Variants in TCF4 observed in about 807,000 individuals in gnomAD.
The protein encoded by TCF4 is SL3-3 enhancer factor 2.
A neutral mutation model predicts 82.1 loss-of-function variants in TCF4; 3 were observed. The ratio of observed to expected loss-of-function variants is 0.04; its 90% CI spans 0.02 to 0.09. TCF4 has a LOEUF of 0.09. Among genes scored for constraint, TCF4 ranks in the 10% least tolerant of loss-of-function variants. TCF4 has a pLI of 1.00. For synonymous variants in TCF4, 276 were observed against 309.6 expected, an observed-to-expected ratio of 0.89 and a Z score of 1.14; for missense variants, 518 against 852.7, an observed-to-expected ratio of 0.61 and a Z score of 4.89.
At chr18:55,300,812 T>C (rs923698055) in intron 8 of TCF4, among the ~76,000 whole-genome samples, 9 of 151,918 alleles carry the variant, frequency 5.9e-5, no homozygotes, top group African/African-American at 1.9e-4. Flanking sequence ...AAGTGCACAG[T>C]GCACCATGAA....
intron 3 of TCF4, among the ~76,000 whole-genome samples, chr18:55,575,989 C>A (rs2097525007): frequency 6.6e-6 from 1 of 152,148 alleles, no homozygotes; most frequent in South Asian, 2.1e-4. Flanking sequence ...TGACACTGGT[C>A]ATGGTGATGC....
chr18:55,481,521 C>T (rs150498823), intron 3 of TCF4, among the ~76,000 whole-genome samples: 34 of 152,168 alleles, frequency 2.2e-4, no homozygotes, highest in African/African-American at 4.3e-4. Context: ...GCTCCCTGCA[C>T]GAAAAACCAG....
At chr18:55,331,421 A>G (rs1469487238) in intron 8 of TCF4, among the ~76,000 whole-genome samples, 4 of 152,234 alleles carry the variant, frequency 2.6e-5, no homozygotes, top group African/African-American at 9.6e-5. Context: ...TTTCTAAACA[A>G]AGATGATAAT....
At chr18:55,513,505 C>T (rs1425830836) in intron 3 of TCF4, among the ~76,000 whole-genome samples, 1 of 151,490 alleles carries the variant, frequency 6.6e-6, no homozygotes, top group Non-Finnish European at 1.5e-5. Context: ...GTTTTCCTAA[C>T]CAATATCTAT....
At chr18:55,401,466 G>T (rs1049876003) in intron 6 of TCF4, 2 of 996,294 alleles carry the variant, frequency 2.0e-6, no homozygotes, top group Non-Finnish European at 2.4e-6. Flanking sequence ...ATATACAAAA[G>T]AATTTTCCTG....
chr18:55,587,158 C>T, intron 1 of TCF4, 22 bp from the exon 2 acceptor site: 1 of 1,353,752 alleles, frequency 7.4e-7, no homozygotes, highest in Non-Finnish European at 9.7e-7. Flanking sequence ...GAAATAACCG[C>T]AATCAGAAAA....
chr18:55,552,770 C>T (rs1400602174), intron 3 of TCF4, among the ~76,000 whole-genome samples: 9 of 152,146 alleles, frequency 5.9e-5, no homozygotes, highest in Non-Finnish European at 1.3e-4. Flanking sequence ...CATTAAAGCT[C>T]GTTTCATCCA....
At position 55,445,880 on chromosome 18, in the gene TCF4, T is replaced by C. The variant is rs562587589; in HGVS notation, c.304+15139A>G. On this transcript the variant is annotated intron_variant, in intron 5 of 19. Coordinates refer to ENST00000354452, the MANE Select transcript of TCF4 (RefSeq NM_001083962.2). ...CCACGTATATTATTAAGAAAATTCA[T>C]GTTGATCCATACAATAGCCATTCCT... 1.4e-4 allele frequency among the ~76,000 whole-genome samples: 21 copies of C among 152,346 alleles called. No homozygotes were observed. The East Asian group carries it at 3.3e-3, about 24-fold the overall frequency.
chr18:55,561,486 CTCTG>C (rs1167224635), intron 3 of TCF4, among the ~76,000 whole-genome samples: 3 of 152,170 alleles, frequency 2.0e-5, no homozygotes, highest in Admixed American at 1.3e-4. Flanking sequence ...CAGTTAAGGA[CTCTG>C]TCTAACACAG....
chr18:55,285,090 T>C (rs1360289754), intron 8 of TCF4, among the ~76,000 whole-genome samples: 1 of 152,212 alleles, frequency 6.6e-6, no homozygotes, highest in African/African-American at 2.4e-5. Context: ...AGAGATAAGA[T>C]GGACCCTGTA....
chr18:55,438,644 G>C (rs1415881763), intron 5 of TCF4, among the ~76,000 whole-genome samples: 2 of 152,186 alleles, frequency 1.3e-5, no homozygotes, highest in African/African-American at 4.8e-5. Flanking sequence ...TGGTAGGAAA[G>C]GTAGCACTGG....
chr18:55,500,333 T>A (rs1178434640), intron 3 of TCF4, among the ~76,000 whole-genome samples: 1 of 152,080 alleles, frequency 6.6e-6, no homozygotes, highest in African/African-American at 2.4e-5. Context: ...GAATTAGGAA[T>A]AGCAGGGGAA....
In TCF4 at chr18:55,279,676, T is replaced by A. The variant is rs1275817275; in HGVS notation, c.550-20A>T. 3.1e-6 allele frequency: 5 copies of A among 1,613,632 alleles called. No homozygotes were observed. In the South Asian group the frequency reaches 5.5e-5, roughly 18 times the overall value. Reference sequence around the variant, plus strand: ...ATAGACCTGAGGAGAAAGAACCAACTGAGTTTTGCTTTTTGCATTGACCAC... The same window carrying A: ...ATAGACCTGAGGAGAAAGAACCAACAGAGTTTTGCTTTTTGCATTGACCAC... On this transcript the variant is annotated intron_variant, in intron 8 of 19. Coordinates refer to ENST00000354452, the MANE Select transcript of TCF4 (RefSeq NM_001083962.2).
At chr18:55,414,645 T>G (rs1466888448) in intron 5 of TCF4, among the ~76,000 whole-genome samples, 1 of 152,156 alleles carries the variant, frequency 6.6e-6, no homozygotes, top group Non-Finnish European at 1.5e-5. Context: ...GCCCTGGCCT[T>G]CACTACCAGG....
At chr18:55,568,476 CAT>C (rs1260925921) in intron 3 of TCF4, among the ~76,000 whole-genome samples, 2 of 151,684 alleles carry the variant, frequency 1.3e-5, no homozygotes, top group Non-Finnish European at 2.9e-5. Flanking sequence ...AGAAAACTGA[CAT>C]ATATTACATA....
chr18:55,585,830 C>A (rs537096617), intron 2 of TCF4: 2 of 1,133,522 alleles, frequency 1.8e-6, no homozygotes, highest in Non-Finnish European at 2.2e-6. Flanking sequence ...ATTCTCATTT[C>A]GTCTCTAACA....
chr18:55,575,330 T>C (rs2097518886), intron 3 of TCF4, among the ~76,000 whole-genome samples: 1 of 152,204 alleles, frequency 6.6e-6, no homozygotes. Flanking sequence ...CAAACAAGCA[T>C]TAAAACTGAC....
chr18:55,526,929 A>G (rs1002843133), intron 3 of TCF4, among the ~76,000 whole-genome samples: 3 of 152,156 alleles, frequency 2.0e-5, no homozygotes, highest in Non-Finnish European at 4.4e-5. Context: ...ACCTCTCTCC[A>G]TGAATTCTAA....
In TCF4 at chr18:55,226,778, T is replaced by C. The variant is rs530026659; in HGVS notation, c.*1257A>G. 6.5e-6 allele frequency: 1 copy of C among 152,738 alleles called. No individual in the cohort carries two copies. The highest frequency in any genetic ancestry group is 2.1e-4 in the South Asian group (1 of 4,824). 9.5% of individuals were successfully genotyped at this position (152,738 alleles called of 1,614,324 possible). ...TTCTCATTTGACGGTTTTTGAACTT[T>C]ACTTGTTTTTTTTGTTTTTGTTTTT... On this transcript the variant is annotated 3_prime_UTR_variant, in exon 20 of 20. Transcript: ENST00000354452.
Sources: allele counts gnomAD v4.1 joint callset (sites outside exome capture counted in the v4.1 genomes callset), GRCh38; gene constraint gnomAD v4.1.1; transcripts MANE v1.5; gene names NCBI Gene and HGNC (gene_info 2026-07-23, HGNC 2026-07-21).